The following DNAJB2 variants were observed in gnomAD, a reference collection of about 807,000 sequenced individuals.
DNAJB2 encodes DnaJ heat shock protein family (Hsp40) member B2.
A neutral mutation model predicts 33.3 loss-of-function variants in DNAJB2; 19 were observed. The observed-to-expected ratio is 0.57, with a 90% CI of 0.40 to 0.84. The LOEUF (loss-of-function observed/expected upper bound fraction) is 0.84, where lower values mean the gene tolerates loss of function less well. Ranked by LOEUF, DNAJB2 falls within the 40% of genes least tolerant of loss-of-function variation. The pLI is 0.00. For synonymous variants in DNAJB2, 172 were observed against 164.6 expected (o/e 1.04, Z -0.34); for missense variants, 368 against 430.9 (o/e 0.85, Z 1.29).
At chr2:219,282,538 C>A in intron 5 of DNAJB2, 1 of 388,448 alleles carries the variant, frequency 2.6e-6, no homozygotes, top group Non-Finnish European at 4.6e-6. Flanking sequence ...CAGAGCTGGA[C>A]TCCTAGCTGT....
Position 219,284,681 on chromosome 2 carries a change from G to A in DNAJB2, c.669G>A (p.Gln223=). The A allele has an allele frequency of 6.2e-7, 1 of 1,609,104 alleles. No homozygotes were observed. The highest frequency in any genetic ancestry group is 8.5e-7 in the Non-Finnish European group (1 of 1,177,014). The stretch of plus-strand genomic sequence containing the variant: ...GCTTGGAGCTGAGCCGTCGCGAGCA[G>A]CAGCCGTCAGTCACTTCCAGGTCTG... The part of the protein sequence containing the change: ...ALGLELSRRE[Q]QPSVTSRSGG... Residue 223 remains glutamine, a synonymous_variant, in exon 9 of 9, where the codon CAG becomes CAA. Transcript: ENST00000336576.
Position 219,283,445 on chromosome 2 carries a change from T to C in DNAJB2, c.575T>C (p.Val192Ala). The change falls in exon 8 of 9, where the codon GTG becomes GCG. Residue 192 changes from valine (V) to alanine (A), a missense_variant. Transcript: ENST00000336576. Reference sequence around the variant, plus strand: ...ATCATGGAGAACGGGCAGGAGCGGGTGGAAGTGGAGGAGGATGGGCAGCTG... The same window carrying C: ...ATCATGGAGAACGGGCAGGAGCGGGCGGAAGTGGAGGAGGATGGGCAGCTG... Reference protein sequence around the residue: ...RRIMENGQERVEVEEDGQLKS... With the variant: ...RRIMENGQERAEVEEDGQLKS... 1 of 1,613,782 alleles carries C rather than the reference T, an allele frequency of 6.2e-7. No homozygotes were observed. Among genetic ancestry groups the C allele is most frequent in the Non-Finnish European group, 8.5e-7 (1 of 1,179,912 alleles).
intron 5 of DNAJB2, chr2:219,282,341 C>A: frequency 2.0e-6 from 1 of 494,350 alleles, no homozygotes; most frequent in Non-Finnish European, 3.6e-6. Context: ...AGACTCAAAG[C>A]ATCTTGTGAC....
chr2:219,285,081 T>C lies in DNAJB2; in HGVS notation c.*94T>C. On this transcript the variant is annotated 3_prime_UTR_variant, in exon 9 of 9. Coordinates refer to ENST00000336576, the MANE Select transcript of DNAJB2 (RefSeq NM_006736.6). ...GGGGAGTATCCTGAGTTGTAGGAAC[T>C]GCTTTCCAACTCCAAGCTCCCTCCA... The C allele has an allele frequency of 1.4e-6, 2 of 1,402,904 alleles. No individual in the cohort carries two copies. The highest frequency in any genetic ancestry group is 2.6e-5 in the East Asian group (1 of 39,002). 86.9% of individuals were successfully genotyped at this position (1,402,904 alleles called of 1,614,324 possible).
In DNAJB2 at chr2:219,281,968, A is replaced by G. The variant is rs780465205; in HGVS notation, c.259A>G (p.Ser87Gly). ...TGGCCCATCTCGGGCAGAAGCTGGC[A>G]GTGGTGGGCCTGGCTTCACCTTCAC... Reference protein sequence around the residue: ...GTGPSRAEAGSGGPGFTFTFR... With the variant: ...GTGPSRAEAGGGGPGFTFTFR... Residue 87 changes from serine to glycine, a missense_variant, in exon 5 of 9, where the codon AGT becomes GGT. Ser to Gly is a moderately conservative substitution (Grantham distance 56). Transcript: ENST00000336576. 8 of 1,614,046 alleles carry G rather than the reference A, an allele frequency of 5.0e-6. No homozygotes were observed. The Admixed American group carries it at 1.3e-4, about 27-fold the overall frequency.
Position 219,285,919 on chromosome 2 carries a change from T to A in DNAJB2, c.*932T>A, listed in dbSNP as rs1402248435. 1 of 1,598,636 alleles carries A rather than the reference T, an allele frequency of 6.3e-7. No individual in the cohort carries two copies. Among genetic ancestry groups the A allele is most frequent in the East Asian group, 2.2e-5 (1 of 44,706 alleles). On this transcript the variant is annotated 3_prime_UTR_variant, in exon 9 of 9. Transcript: ENST00000336576. ...ATGCGGCCAGCCCAGGTCTGCATGCTGAGCCCCATCCTCCACAGCTTGCCG... is the reference window on the plus strand; with the variant it reads ...ATGCGGCCAGCCCAGGTCTGCATGCAGAGCCCCATCCTCCACAGCTTGCCG...
chr2:219,286,240 T>A lies in DNAJB2; in HGVS notation c.*1253T>A. On this transcript the variant is annotated 3_prime_UTR_variant, in exon 9 of 9. Transcript: ENST00000336576. ...CCAGAGTGCGGTGTGCCCGGCCTCA[T>A]TTCTGATAGATCCCGCTTGGGGGAG... The A allele has an allele frequency of 1.9e-6, 1 of 519,018 alleles. No individual in the cohort carries two copies. The highest frequency in any genetic ancestry group is 3.4e-6 in the Non-Finnish European group (1 of 291,560). The allele number at this position is 519,018 out of a possible 1,614,324, so 32.2% of individuals were successfully genotyped here.
Position 219,285,817 on chromosome 2 carries a change from G to T in DNAJB2, c.*830G>T. The T allele has an allele frequency of 7.1e-7, 1 of 1,410,740 alleles. No individual in the cohort carries two copies. Among genetic ancestry groups the T allele is most frequent in the Non-Finnish European group, 9.3e-7 (1 of 1,078,270 alleles). The allele number at this position is 1,410,740 out of a possible 1,614,324, so 87.4% of individuals were successfully genotyped here. ...CCTGAAGAGGTGGGATAGGACCGGG[G>T]GACCCCAGAGGGAGGCCTAGGAGGG... On this transcript the variant is annotated 3_prime_UTR_variant, in exon 9 of 9. Coordinates refer to ENST00000336576, the MANE Select transcript of DNAJB2 (RefSeq NM_006736.6).
chr2:219,279,857 A>G lies in DNAJB2; in HGVS notation c.24A>G (p.Leu8=). Residue 8 remains leucine (L), a synonymous_variant, in exon 2 of 9, where the codon CTA becomes CTG. Coordinates refer to ENST00000336576, the MANE Select transcript of DNAJB2 (RefSeq NM_006736.6). The surrounding 1 kb of genome is among the most constrained non-coding windows in gnomAD (Gnocchi z 4.9). The part of the protein sequence containing the change: MASYYEI[L]DVPRSASADD... Reference sequence around the variant, plus strand: ...CCATGGCATCCTACTACGAGATCCTAGACGTGCCGCGAAGTGCGTCCGCTG... The same window carrying G: ...CCATGGCATCCTACTACGAGATCCTGGACGTGCCGCGAAGTGCGTCCGCTG... The G allele has an allele frequency of 6.2e-7, 1 of 1,613,998 alleles. No individual in the cohort carries two copies. Among genetic ancestry groups the G allele is most frequent in the South Asian group, 1.1e-5 (1 of 91,090 alleles).
intron 5 of DNAJB2, 157 bp from the exon 6 acceptor site, chr2:219,282,680 A>T: frequency 1.7e-6 from 1 of 605,608 alleles, no homozygotes; most frequent in Non-Finnish European, 2.7e-6. Context: ...TTTCGAATTC[A>T]ACATTAAAAA....
chr2:219,284,536 A>C (rs1384873744), intron 8 of DNAJB2, 96 bp from the exon 9 acceptor site: 2 of 1,439,974 alleles, frequency 1.4e-6, no homozygotes, highest in African/African-American at 2.8e-5. Flanking sequence ...TCCAAATAAG[A>C]GACTCTAAGT....
chr2:219,283,636 A>T, intron 8 of DNAJB2, 147 bp downstream of exon 8: 1 of 802,086 alleles, frequency 1.2e-6, no homozygotes, highest in South Asian at 2.0e-5. Flanking sequence ...AGAGATGGCA[A>T]TGTCGGGAAG....
At chr2:219,280,035 C>A in intron 2 of DNAJB2, 137 bp downstream of exon 2, 1 of 896,812 alleles carries the variant, frequency 1.1e-6, no homozygotes, top group Admixed American at 2.4e-5. Context: ...CCGAGTGACA[C>A]CTGCAGGGAG....
chr2:219,285,697 C>T lies in DNAJB2; in HGVS notation c.*710C>T. The T allele has an allele frequency of 8.3e-7, 1 of 1,200,612 alleles. No homozygotes were observed. Among genetic ancestry groups the T allele is most frequent in the Non-Finnish European group, 1.0e-6 (1 of 964,130 alleles). The allele number at this position is 1,200,612 out of a possible 1,614,324, so 74.4% of individuals were successfully genotyped here. On this transcript the variant is annotated 3_prime_UTR_variant, in exon 9 of 9. Transcript: ENST00000336576. ...GCCGGGTGGGGCGGGAGCCTCTCAGCTGTCCAGATTCAGAACTGGAGCCCA... is the reference window on the plus strand; with the variant it reads ...GCCGGGTGGGGCGGGAGCCTCTCAGTTGTCCAGATTCAGAACTGGAGCCCA...
At chr2:219,281,115 A>C (rs547686859) in intron 3 of DNAJB2, 151 of 195,474 alleles carry the variant, frequency 7.7e-4, no homozygotes, top group Non-Finnish European at 1.4e-3. Flanking sequence ...TCATTCGAAA[A>C]GTAATTCAGT....
chr2:219,283,094 C>T, intron 6 of DNAJB2, 39 bp from the exon 7 acceptor site: 2 of 1,603,594 alleles, frequency 1.2e-6, no homozygotes, highest in Non-Finnish European at 1.7e-6. Flanking sequence ...CAGTCTTCTT[C>T]TAACCACCTC....
At chr2:219,282,776 C>T (rs79308288) in intron 5 of DNAJB2, 61 bp from the exon 6 acceptor site, 194 of 1,473,504 alleles carry the variant, frequency 1.3e-4, no homozygotes, top group Non-Finnish European at 1.5e-4. Flanking sequence ...GACTTGGGCT[C>T]ACACACTTTT....
In DNAJB2 at chr2:219,285,732, C is replaced by T; in HGVS notation, c.*745C>T. On this transcript the variant is annotated 3_prime_UTR_variant, in exon 9 of 9. Coordinates refer to ENST00000336576, the MANE Select transcript of DNAJB2 (RefSeq NM_006736.6). Reference sequence around the variant, plus strand: ...TCAGAACTGGAGCCCACTCCTCCTCCCTCTCGTTGCCTCAGCCTGCCCTCA... The same window carrying T: ...TCAGAACTGGAGCCCACTCCTCCTCTCTCTCGTTGCCTCAGCCTGCCCTCA... The T allele has an allele frequency of 7.9e-7, 1 of 1,263,436 alleles. No individual in the cohort carries two copies. Among genetic ancestry groups the T allele is most frequent in the Admixed American group, 3.5e-5 (1 of 28,670 alleles). 78.3% of individuals were successfully genotyped at this position (1,263,436 alleles called of 1,614,324 possible).
Position 219,284,741 on chromosome 2 carries a change from C to G in DNAJB2, c.729C>G (p.Cys243Trp). 1 of 1,613,564 alleles carries G rather than the reference C, an allele frequency of 6.2e-7. No homozygotes were observed. The highest frequency in any genetic ancestry group is 8.5e-7 in the Non-Finnish European group (1 of 1,179,972). Residue 243 changes from cysteine to tryptophan, a missense_variant, in exon 9 of 9, where the codon TGC becomes TGG. Cys to Trp is a radical substitution (Grantham distance 215). Coordinates refer to ENST00000336576, the MANE Select transcript of DNAJB2 (RefSeq NM_006736.6). ...AGGTCCAGCAGACCCCTGCCTCATG[C>G]CCCTTGGACAGCGACCTCTCTGAGG... is the stretch of plus-strand genomic sequence containing the variant. ...GTQVQQTPAS[C>W]PLDSDLSEDE...
Sources: allele counts gnomAD v4.1 joint callset, GRCh38; gene constraint gnomAD v4.1.1; non-coding constraint Gnocchi (gnomAD v3.1); transcripts MANE v1.5; gene names NCBI Gene and HGNC (gene_info 2026-07-23, HGNC 2026-07-21).